Variants in CDH6 observed in about 807,000 individuals in gnomAD.
CDH6 encodes cadherin-6.
CDH6 carries 31 observed loss-of-function variants against 78.0 expected under a neutral mutation model. The ratio of observed to expected loss-of-function variants is 0.40; its 90% CI spans 0.30 to 0.54. The LOEUF (loss-of-function observed/expected upper bound fraction) is 0.54. Among genes scored for constraint, CDH6 ranks in the 20% least tolerant of loss-of-function variants. CDH6 has a pLI of 0.56. For missense variants in CDH6, 724 were observed against 975.9 expected (o/e 0.74, Z 3.44); for synonymous variants, 376 against 368.8 (o/e 1.02, Z -0.23).
rs1403925966 is a variant in CDH6, at chr5:31,317,418, G to C, written c.1556G>C (p.Ser519Thr). 1.9e-6 allele frequency: 3 copies of C among 1,611,262 alleles called. No homozygotes were observed. The South Asian group carries it at 3.3e-5, about 18-fold the overall frequency. The change falls in exon 10 of 12, where the codon AGT (serine) becomes ACT (threonine). Residue 519 changes from serine to threonine, a missense_variant. Physicochemically the swap from Ser to Thr is moderately conservative, Grantham distance 58 (BLOSUM62 1). This residue lies in a region of CDH6 where 446 missense variants were observed against 684.5 expected (regional missense o/e 0.65). Transcript: ENST00000265071. ...GCTGTTGACAAGGATGACCCTTATA[G>C]TGGACACCAATTTTCGTTTTCCTTG... Reference protein sequence around the residue: ...LHAVDKDDPYSGHQFSFSLAP... With the variant: ...LHAVDKDDPYTGHQFSFSLAP...
At position 31,324,591 on chromosome 5, in the gene CDH6, A is replaced by AT. The variant is rs149986961; in HGVS notation, c.*1291dup. 1 of 211,346 alleles carries AT rather than the reference A, an allele frequency of 4.7e-6. No individual in the cohort carries two copies. Among genetic ancestry groups the AT allele is most frequent in the Non-Finnish European group, 9.6e-6 (1 of 104,358 alleles). 13.1% of individuals were successfully genotyped at this position (211,346 alleles called of 1,614,324 possible). On this transcript the variant is annotated 3_prime_UTR_variant, in exon 12 of 12. Transcript: ENST00000265071. ...TGATAGTTGATTTTCAAAAGCATTA[A>AT]TTTTTTTTCATTGTTTTTAACTTTG... is the stretch of plus-strand genomic sequence containing the variant.
intron 1 of CDH6, among the ~76,000 whole-genome samples, chr5:31,252,508 GTAGTT>G (rs1741937238): frequency 6.6e-6 from 1 of 152,184 alleles, no homozygotes; most frequent in Non-Finnish European, 1.5e-5. Flanking sequence ...GAGTTTGACA[GTAGTT>G]TATAGAGCTA....
intron 1 of CDH6, chr5:31,250,769 C>T (rs1189195997): frequency 1.3e-5 from 2 of 152,858 alleles, no homozygotes; most frequent in African/African-American, 4.8e-5. Flanking sequence ...CTGCACACAC[C>T]TGGACATCCC....
chr5:31,323,324 A>G lies in CDH6; in HGVS notation c.*16A>G. 6.3e-7 allele frequency: 1 copy of G among 1,593,880 alleles called. No individual in the cohort carries two copies. On this transcript the variant is annotated 3_prime_UTR_variant, in exon 12 of 12. Transcript: ENST00000265071. Reference sequence around the variant, plus strand: ...AGACTCCTAATCTGTTGCCTTTTTCATTTTCCAATACGACACTGAAATATG... The same window carrying G: ...AGACTCCTAATCTGTTGCCTTTTTCGTTTTCCAATACGACACTGAAATATG...
chr5:31,313,220 C>G (rs1738203827), intron 7 of CDH6, 98 bp from the exon 8 acceptor site: 1 of 1,081,224 alleles, frequency 9.2e-7, no homozygotes, highest in Non-Finnish European at 1.3e-6. Flanking sequence ...CACAGATACT[C>G]TGGGATATGA....
At chr5:31,302,460 C>T (rs569985057) in intron 6 of CDH6, 162 bp downstream of exon 6, 74 of 542,344 alleles carry the variant, frequency 1.4e-4, no homozygotes, top group Non-Finnish European at 2.2e-4. Context: ...TGGTGGCTCC[C>T]GCCTGTAATC....
intron 6 of CDH6, among the ~76,000 whole-genome samples, chr5:31,302,937 A>AAGAAAGAAAGAAAGAG (rs1241824310): frequency 4.6e-5 from 6 of 130,758 alleles, no homozygotes; most frequent in African/African-American, 1.3e-4. Context: ...GAAAGAAAGA[A>AAGAAAGAAAGAAAGAG]AGAAAGAAAG....
intron 3 of CDH6, among the ~76,000 whole-genome samples, chr5:31,295,793 A>G (rs1579893323): frequency 6.6e-6 from 1 of 152,346 alleles, no homozygotes; most frequent in East Asian, 1.9e-4. Flanking sequence ...TCTTGAAAAA[A>G]TAAATAATAA....
intron 1 of CDH6, among the ~76,000 whole-genome samples, chr5:31,206,203 A>C (rs1205490730): frequency 6.6e-6 from 1 of 152,226 alleles, no homozygotes; most frequent in Non-Finnish European, 1.5e-5. Flanking sequence ...AGATGGATAC[A>C]TAGAAAATAG....
chr5:31,252,528 A>C (rs886348659), intron 1 of CDH6, among the ~76,000 whole-genome samples: 3 of 152,194 alleles, frequency 2.0e-5, no homozygotes, highest in African/African-American at 7.2e-5. Context: ...GAGCTAAATT[A>C]TATTTTGGCT....
At chr5:31,207,143 C>T (rs747645358) in intron 1 of CDH6, among the ~76,000 whole-genome samples, 9 of 152,170 alleles carry the variant, frequency 5.9e-5, no homozygotes, top group Non-Finnish European at 1.2e-4. Context: ...TTGGGCAAGG[C>T]ATTGTGTCAA....
chr5:31,199,934 AT>A (rs1333141228), intron 1 of CDH6, among the ~76,000 whole-genome samples: 3 of 151,782 alleles, frequency 2.0e-5, no homozygotes, highest in Non-Finnish European at 2.9e-5. Flanking sequence ...TTTGGTTTGA[AT>A]TTCCAGGGAA....
At chr5:31,223,456 T>G (rs1366040710) in intron 1 of CDH6, among the ~76,000 whole-genome samples, 1 of 152,222 alleles carries the variant, frequency 6.6e-6, no homozygotes, top group Non-Finnish European at 1.5e-5. Flanking sequence ...ATACTTGTGC[T>G]CTCTAATGTG....
intron 11 of CDH6, among the ~76,000 whole-genome samples, chr5:31,321,803 G>A (rs974766391): frequency 2.6e-5 from 4 of 152,164 alleles, no homozygotes; most frequent in African/African-American, 9.7e-5. Flanking sequence ...GTGACTTCCT[G>A]TAATACACTC....
At chr5:31,237,932 G>A (rs1001975815) in intron 1 of CDH6, among the ~76,000 whole-genome samples, 1 of 152,160 alleles carries the variant, frequency 6.6e-6, no homozygotes, top group African/African-American at 2.4e-5. Flanking sequence ...CTGCAGGATT[G>A]TTGCAATAGT....
intron 1 of CDH6, among the ~76,000 whole-genome samples, chr5:31,200,042 A>G (rs1178205443): frequency 6.6e-6 from 1 of 152,104 alleles, no homozygotes; most frequent in East Asian, 1.9e-4. Context: ...ACTACAGAGC[A>G]GCAGAGGGCA....
chr5:31,234,977 T>C (rs1261881966), intron 1 of CDH6, among the ~76,000 whole-genome samples: 1 of 152,172 alleles, frequency 6.6e-6, no homozygotes, highest in East Asian at 1.9e-4. Context: ...CACAAGTGTG[T>C]AATATGAAGG....
rs1197174167 is a variant in CDH6 at position 31,328,386 on chromosome 5, T to G, written c.*5078T>G. The G allele has an allele frequency of 5.0e-6, 1 of 201,226 alleles. No homozygotes were observed. The highest frequency in any genetic ancestry group is 6.0e-5 in the Admixed American group (1 of 16,624). 12.5% of individuals were successfully genotyped at this position (201,226 alleles called of 1,614,324 possible). A position where few individuals can be genotyped will look rare whatever the true frequency, so the allele number is the denominator to read the frequency against. On this transcript the variant is annotated 3_prime_UTR_variant, in exon 12 of 12. Coordinates refer to ENST00000265071, the MANE Select transcript of CDH6 (RefSeq NM_004932.4). The stretch of plus-strand genomic sequence containing the variant: ...TAAGCTTTTAGTTTTCTATGATCTA[T>G]TAGTTTAGTGTTTATTAAAGAATCA...
intron 7 of CDH6, 118 bp downstream of exon 7, chr5:31,305,545 C>G (rs1353681914): frequency 5.7e-6 from 6 of 1,049,108 alleles, no homozygotes; most frequent in Non-Finnish European, 8.2e-6. Flanking sequence ...ACTGTGTTTT[C>G]CTGAAAAAAC....
Sources: gnomAD v4.1 joint callset for allele counts (sites outside exome capture counted in the v4.1 genomes callset) on GRCh38, gnomAD v4.1.1 for gene constraint, gnomAD v4.1.1 regional missense constraint, MANE v1.5 for transcripts, NCBI Gene and HGNC (gene_info 2026-07-23, HGNC 2026-07-21) for gene names.